CCDC171: variants seen among roughly 807,000 people sequenced by gnomAD.
CCDC171 encodes the protein coiled-coil domain-containing protein 171.
CCDC171 carries 177 observed loss-of-function variants against 168.2 expected under a neutral mutation model. That is an observed-to-expected ratio of 1.05 (90% CI 0.93 to 1.19). The LOEUF (loss-of-function observed/expected upper bound fraction) is 1.19. CCDC171 is among the 50% of genes most tolerant of loss of function. CCDC171 has a pLI of 0.00. For missense variants in CCDC171, 1,991 were observed against 1,539.0 expected (o/e 1.29, Z -4.91); for synonymous variants, 687 against 540.8 (o/e 1.27, Z -3.75).
At chr9:15,811,151 A>G (rs760240752) in intron 21 of CCDC171, among the ~76,000 whole-genome samples, 13 of 152,196 alleles carry the variant, frequency 8.5e-5, no homozygotes, top group Non-Finnish European at 1.3e-4. Flanking sequence ...TACCTGCAAT[A>G]TTCTTCATTT....
chr9:16,047,036 G>C (rs185861394), intron 1 of CCDC171, among the ~76,000 whole-genome samples: 1 of 152,162 alleles, frequency 6.6e-6, no homozygotes, highest in African/African-American at 2.4e-5. Flanking sequence ...TCTAAGGACT[G>C]CATCCTTGGC....
intron 23 of CCDC171, among the ~76,000 whole-genome samples, chr9:15,874,322 A>G (rs1302050325): frequency 6.6e-6 from 1 of 152,068 alleles, no homozygotes. Flanking sequence ...CATTTCAAGC[A>G]GGAGGATGCT....
intron 1 of CCDC171, among the ~76,000 whole-genome samples, chr9:16,049,026 C>G (rs1586860632): frequency 2.0e-5 from 3 of 151,464 alleles, no homozygotes; most frequent in Admixed American, 2.0e-4. Context: ...AAATTACAAT[C>G]CCTAAAGTCT....
chr9:15,869,780 A>C (rs1227889856), intron 23 of CCDC171, among the ~76,000 whole-genome samples: 1 of 151,794 alleles, frequency 6.6e-6, no homozygotes, highest in Non-Finnish European at 1.5e-5. Context: ...GAGACGGTAT[A>C]CAGATTTCTG....
intron 21 of CCDC171, among the ~76,000 whole-genome samples, chr9:15,823,188 G>C (rs1364702650): frequency 6.6e-6 from 1 of 152,002 alleles, no homozygotes; most frequent in Non-Finnish European, 1.5e-5. Context: ...TTGTTGTGGG[G>C]TGGGAGGGAT....
At chr9:15,616,449 A>G (rs1166308187) in intron 6 of CCDC171, among the ~76,000 whole-genome samples, 1 of 151,920 alleles carries the variant, frequency 6.6e-6, no homozygotes, top group Non-Finnish European at 1.5e-5. Context: ...TATTTTATTT[A>G]TTTTACTATA....
rs1243563969 is a variant in CCDC171, at chr9:15,853,406, C to A, written c.3468+4459C>A. ...TTAATTGCTGGTGTGCAGAAAAGTA[C>A]AACTGATTTTTGTATGTTTATCTTT... On this transcript the variant is annotated intron_variant, in intron 23 of 25. Transcript: ENST00000380701. Among the ~76,000 whole-genome samples, 5 of 151,702 alleles carry A rather than the reference C, an allele frequency of 3.3e-5. No homozygotes were observed. The South Asian group carries it at 8.3e-4, about 25-fold the overall frequency.
At chr9:15,822,572 A>C (rs1439860333) in intron 21 of CCDC171, among the ~76,000 whole-genome samples, 1 of 152,212 alleles carries the variant, frequency 6.6e-6, no homozygotes, top group Non-Finnish European at 1.5e-5. Context: ...CAGCCAAAAA[A>C]CACATGAAAA....
rs766564942 is a variant in CCDC171 at position 15,971,771 on chromosome 9, T to C, written c.3916T>C (p.Ser1306Pro). The change falls in exon 26 of 26, where the codon TCA becomes CCA. Residue 1306 changes from serine (S) to proline (P), a missense_variant. Physicochemically the swap from Ser to Pro is moderately conservative, Grantham distance 74. Coordinates refer to ENST00000380701, the MANE Select transcript of CCDC171 (RefSeq NM_173550.4). ...FINTVPHALTSSHSSPVTMSA... is the reference protein window; with the variant it reads ...FINTVPHALTPSHSSPVTMSA... ...AAATACTGTGCCCCATGCTCTGACATCATCTCACTCCTCTCCAGTGACTAT... is the reference window on the plus strand; with the variant it reads ...AAATACTGTGCCCCATGCTCTGACACCATCTCACTCCTCTCCAGTGACTAT... The C allele has an allele frequency of 1.9e-6, 3 of 1,613,996 alleles. No individual in the cohort carries two copies. The South Asian group carries it at 3.3e-5, about 18-fold the overall frequency.
At chr9:15,819,762 T>A (rs2059694623) in intron 21 of CCDC171, among the ~76,000 whole-genome samples, 1 of 116,692 alleles carries the variant, frequency 8.6e-6, no homozygotes, top group Non-Finnish European at 1.9e-5. Context: ...AACCCCACTG[T>A]CAATATTAGA....
chr9:16,084,685 C>A, the CCDC171 span, among the ~76,000 whole-genome samples: 1 of 152,242 alleles, frequency 6.6e-6, no homozygotes, highest in East Asian at 1.9e-4. Context: ...CCATGGGGGC[C>A]CCCAGGAAGC....
At chr9:15,892,908 C>A (rs1215266890) in intron 24 of CCDC171, among the ~76,000 whole-genome samples, 1 of 152,148 alleles carries the variant, frequency 6.6e-6, no homozygotes, top group Non-Finnish European at 1.5e-5. Flanking sequence ...CTACCATTGA[C>A]ATTCTTCACA....
At position 16,000,666 on chromosome 9, in the gene CCDC171, C is replaced by G. The variant is rs559795765; in HGVS notation, n.369-19923C>G. Reference sequence around the variant, plus strand: ...ATGTCTGTAGATATCTTTTGACTCCCTATTTCCTTGTGACTTACCAAACCA... The same window carrying G: ...ATGTCTGTAGATATCTTTTGACTCCGTATTTCCTTGTGACTTACCAAACCA... On this transcript the variant is annotated intron_variant and non_coding_transcript_variant, in intron 3 of 9. Transcript: ENST00000486641. Among the ~76,000 whole-genome samples the G allele has an allele frequency of 4.6e-4, 70 of 152,028 alleles. No homozygotes were observed. In the Middle Eastern group the frequency reaches 0.01, roughly 22 times the overall value.
intron 9 of CCDC171, among the ~76,000 whole-genome samples, chr9:15,676,056 A>C (rs958038071): frequency 2.0e-5 from 3 of 152,114 alleles, no homozygotes; most frequent in African/African-American, 7.2e-5. Flanking sequence ...GACTTCTTGG[A>C]GGCCTTGTTC....
chr9:16,013,412 T>C (rs1832926286), intron 3 of CCDC171, among the ~76,000 whole-genome samples: 1 of 152,204 alleles, frequency 6.6e-6, no homozygotes, highest in African/African-American at 2.4e-5. Context: ...TCAAAATTCT[T>C]TCCTGGATCT....
At chr9:15,917,446 T>A (rs1427684148) in intron 24 of CCDC171, among the ~76,000 whole-genome samples, 1 of 150,836 alleles carries the variant, frequency 6.6e-6, no homozygotes, top group Non-Finnish European at 1.5e-5. Flanking sequence ...GTTTAAGATT[T>A]GAAATCCTAA....
intron 3 of CCDC171, among the ~76,000 whole-genome samples, chr9:15,988,451 A>G (rs1442968222): frequency 6.6e-6 from 1 of 152,224 alleles, no homozygotes; most frequent in African/African-American, 2.4e-5. Flanking sequence ...AGGCAGTTCC[A>G]AGATGGCCGA....
rs189533353 is a variant in CCDC171, at chr9:15,623,384, C to T, written c.793C>T (p.Arg265Ter). Residue 265 changes from arginine to a stop codon, truncating the protein, a stop_gained, in exon 7 of 26, where the codon CGA (arginine) becomes TGA (stop). Transcript: ENST00000380701. LOFTEE classifies it high-confidence loss of function. Reference protein sequence around the residue: ...QTSELEFSTQREERLRKEFEA... With the variant: ...QTSELEFSTQ ...AAGTGAACTTGAATTTAGCACTCAACGAGAGGAACGCCTTAGAAAAGAATT... is the reference window on the plus strand; with the variant it reads ...AAGTGAACTTGAATTTAGCACTCAATGAGAGGAACGCCTTAGAAAAGAATT... 4.9e-5 allele frequency: 78 copies of T among 1,604,712 alleles called. 1 individual carries two copies. The highest frequency in any genetic ancestry group is 3.9e-4 in the Admixed American group (23 of 59,454).
intron 16 of CCDC171, among the ~76,000 whole-genome samples, chr9:15,735,209 G>A (rs2054413444): frequency 6.6e-6 from 1 of 152,140 alleles, no homozygotes; most frequent in Non-Finnish European, 1.5e-5. Context: ...TTTAGCACTG[G>A]GTAAAGTTTG....
Sources: allele counts gnomAD v4.1 joint callset (sites outside exome capture counted in the v4.1 genomes callset), GRCh38; gene constraint gnomAD v4.1.1; transcripts MANE v1.5; gene names NCBI Gene and HGNC (gene_info 2026-07-23, HGNC 2026-07-21).